SAMD12: variants seen among roughly 807,000 people sequenced by gnomAD.
SAMD12 encodes the protein sterile alpha motif domain-containing protein 12.
In SAMD12, 9 loss-of-function variants were observed where a neutral mutation model predicts 15.0. The observed-to-expected ratio is 0.60, with a 90% CI of 0.36 to 1.05. The LOEUF is 1.05. SAMD12 is among the 50% of genes least tolerant of loss of function. The pLI, the probability that SAMD12 is intolerant of heterozygous loss-of-function variation, is 0.01. For missense variants in SAMD12, 230 were observed against 234.2 expected (o/e 0.98, Z 0.12); for synonymous variants, 86 against 90.1 (o/e 0.96, Z 0.25).
In SAMD12 at chr8:118,579,873, A is replaced by C. The variant is rs151261406; in HGVS notation, c.192+842T>G. Among the ~76,000 whole-genome samples the C allele has an allele frequency of 5.8e-3, 890 of 152,268 alleles. 11 individuals carry two copies. The highest frequency in any genetic ancestry group is 0.02 in the African/African-American group (848 of 41,564). On this transcript the variant is annotated intron_variant, in intron 2 of 3. Coordinates refer to ENST00000314727, the MANE Select transcript of SAMD12 (RefSeq NM_207506.3). ...TATCTTCAACAACACTGTGCCCCCA[A>C]CATGAACATCTGCACTGATTTCAGA...
At chr8:118,137,258 A>G in the SAMD12 span, among the ~76,000 whole-genome samples, 1 of 152,176 alleles carries the variant, frequency 6.6e-6, no homozygotes, top group East Asian at 1.9e-4. Flanking sequence ...TGAAGTTACA[A>G]TGGTTATGCT....
At chr8:118,250,450 G>A (rs181057709) in intron 4 of SAMD12, among the ~76,000 whole-genome samples, 163 of 151,906 alleles carry the variant, frequency 1.1e-3, no homozygotes, top group African/African-American at 3.8e-3. Flanking sequence ...TGTGGTGAAT[G>A]CCCCCAAATA....
At chr8:118,420,808 A>G (rs750624974) in intron 3 of SAMD12, among the ~76,000 whole-genome samples, 8 of 152,248 alleles carry the variant, frequency 5.3e-5, no homozygotes, top group Non-Finnish European at 1.2e-4. Context: ...AAATATCACT[A>G]AGGAAACAGA....
At chr8:118,409,482 T>C (rs1034819208) in intron 3 of SAMD12, among the ~76,000 whole-genome samples, 1 of 118,378 alleles carries the variant, frequency 8.4e-6, no homozygotes, top group African/African-American at 3.1e-5. Context: ...TACCCTGGAG[T>C]TGGGGGTGGG....
At chr8:118,549,211 G>C (rs368807513) in intron 2 of SAMD12, among the ~76,000 whole-genome samples, 5 of 152,230 alleles carry the variant, frequency 3.3e-5, no homozygotes, top group Admixed American at 6.5e-5. Context: ...ATCTGAGAAC[G>C]GGCAGACTGC....
intron 3 of SAMD12, among the ~76,000 whole-genome samples, chr8:118,407,831 C>T (rs1821207770): frequency 6.6e-6 from 1 of 152,166 alleles, no homozygotes; most frequent in Admixed American, 6.5e-5. Context: ...TAGTCACTCA[C>T]ATTCCCTGAG....
chr8:118,259,592 ATTG>A (rs759417040), intron 4 of SAMD12, among the ~76,000 whole-genome samples: 63 of 152,184 alleles, frequency 4.1e-4, no homozygotes, highest in Non-Finnish European at 8.2e-4. Context: ...CTCAGTTTCT[ATTG>A]TTGCTGAAGG....
At chr8:118,245,226 A>T (rs1006335829) in intron 4 of SAMD12, among the ~76,000 whole-genome samples, 2 of 152,188 alleles carry the variant, frequency 1.3e-5, no homozygotes, top group African/African-American at 4.8e-5. Context: ...GAGACAAGAT[A>T]TCAAAGTTTA....
At chr8:118,504,128 A>G (rs77331712) in intron 2 of SAMD12, among the ~76,000 whole-genome samples, 82 of 152,256 alleles carry the variant, frequency 5.4e-4, no homozygotes, top group African/African-American at 1.9e-3. Context: ...TGAAATTCAT[A>G]TTCACTATCA....
intron 2 of SAMD12, among the ~76,000 whole-genome samples, chr8:118,494,030 C>A (rs769673707): frequency 1.6e-4 from 24 of 152,248 alleles, no homozygotes; most frequent in Middle Eastern, 3.4e-3. Context: ...ATTGTATTAG[C>A]CTCTATGTGT....
intron 1 of SAMD12, among the ~76,000 whole-genome samples, chr8:118,589,819 T>C (rs1400870792): frequency 6.6e-6 from 1 of 152,250 alleles, no homozygotes; most frequent in Non-Finnish European, 1.5e-5. Flanking sequence ...AATATTACTT[T>C]CCTTTACTAC....
chr8:118,401,820 T>G lies in SAMD12; in HGVS notation c.323-22120A>C, dbSNP rs548598170. ...CACAACCTTTGAAGATACTGGAGATTGCTCAAATATCTACTAAATGTGCTT... is the reference window on the plus strand; with the variant it reads ...CACAACCTTTGAAGATACTGGAGATGGCTCAAATATCTACTAAATGTGCTT... On this transcript the variant is annotated intron_variant, in intron 3 of 3. Coordinates refer to ENST00000314727, the MANE Select transcript of SAMD12 (RefSeq NM_207506.3). Among the ~76,000 whole-genome samples the G allele has an allele frequency of 3.3e-5, 5 of 152,332 alleles. No homozygotes were observed. The South Asian group carries it at 8.3e-4, about 25-fold the overall frequency.
At chr8:118,614,327 A>G (rs1828185941) in intron 1 of SAMD12, among the ~76,000 whole-genome samples, 1 of 152,194 alleles carries the variant, frequency 6.6e-6, no homozygotes, top group African/African-American at 2.4e-5. Flanking sequence ...TAATATTCTC[A>G]TTTGATAGAC....
At chr8:118,170,885 G>T in the SAMD12 span, among the ~76,000 whole-genome samples, 3 of 152,112 alleles carry the variant, frequency 2.0e-5, no homozygotes, top group Non-Finnish European at 4.4e-5. Flanking sequence ...AAAATGAAAG[G>T]ACAGAAGATG....
intron 4 of SAMD12, among the ~76,000 whole-genome samples, chr8:118,274,863 G>T (rs1252574333): frequency 6.6e-6 from 1 of 152,074 alleles, no homozygotes. Flanking sequence ...CTAAGTCAAA[G>T]GATAATTGGG....
At chr8:118,468,302 G>GT (rs138649890) in intron 2 of SAMD12, among the ~76,000 whole-genome samples, 1 of 151,828 alleles carries the variant, frequency 6.6e-6, no homozygotes, top group Admixed American at 6.6e-5. Context: ...GGAGAGATGG[G>GT]TTTTTTTGCC....
At chr8:118,464,482 TAAAG>T (rs1370781806) in intron 2 of SAMD12, among the ~76,000 whole-genome samples, 2 of 152,182 alleles carry the variant, frequency 1.3e-5, no homozygotes, top group African/African-American at 4.8e-5. Flanking sequence ...TTAGGTCAAC[TAAAG>T]AGAGCTATTT....
chr8:118,411,884 T>C (rs73311746), intron 3 of SAMD12, among the ~76,000 whole-genome samples: 3,717 of 152,216 alleles, frequency 0.024, 159 homozygotes, highest in African/African-American at 0.083. Context: ...TAACAACAAG[T>C]CTACAACAAG....
At chr8:118,441,009 C>A (rs75319118) in intron 2 of SAMD12, among the ~76,000 whole-genome samples, 4,994 of 152,146 alleles carry the variant, frequency 0.033, 272 homozygotes, top group African/African-American at 0.11. Context: ...CTTCTCCATA[C>A]GCATAATTTC....
Sources: allele counts gnomAD v4.1 joint callset (sites outside exome capture counted in the v4.1 genomes callset), GRCh38; gene constraint gnomAD v4.1.1; transcripts MANE v1.5; gene names NCBI Gene and HGNC (gene_info 2026-07-23, HGNC 2026-07-21).